RELN: variants seen among roughly 807,000 people sequenced by gnomAD.
The protein encoded by RELN is reelin.
Under a neutral mutation model 427.6 loss-of-function variants are expected in RELN, and 108 were observed. The observed-to-expected ratio is 0.25, with a 90% CI of 0.22 to 0.30. RELN has a LOEUF of 0.30. RELN is among the 10% of genes least tolerant of loss of function. The pLI is 1.00. For synonymous variants in RELN, 1,524 were observed against 1,513.4 expected (o/e 1.01, Z -0.16); for missense variants, 3,715 against 4,302.8 (o/e 0.86, Z 3.82).
intron 51 of RELN, among the ~76,000 whole-genome samples, chr7:103,510,018 G>A (rs1360594821): frequency 1.3e-5 from 2 of 152,140 alleles, no homozygotes; most frequent in African/African-American, 2.4e-5. Context: ...TGGAGAAATA[G>A]GAACGCTTTT....
chr7:103,728,348 G>T, intron 6 of RELN, 141 bp from the exon 7 acceptor site: 2 of 804,280 alleles, frequency 2.5e-6, no homozygotes, highest in Non-Finnish European at 4.2e-6. Flanking sequence ...TTTGCATCAT[G>T]ATAAGGTTAA....
chr7:103,623,923 C>T (rs74648015), intron 20 of RELN, among the ~76,000 whole-genome samples: 16,834 of 152,112 alleles, frequency 0.11, 1,028 homozygotes, highest in South Asian at 0.18. Flanking sequence ...ATAACCTACA[C>T]GTACCTTAAC....
At chr7:103,791,777 G>GT (rs201564276) in intron 3 of RELN, among the ~76,000 whole-genome samples, 1 of 107,412 alleles carries the variant, frequency 9.3e-6, no homozygotes, top group Admixed American at 8.9e-5. Flanking sequence ...CATTTAAAAA[G>GT]TTTTTAAAAA....
chr7:103,559,064 G>A (rs984614496), intron 36 of RELN, among the ~76,000 whole-genome samples: 1 of 152,164 alleles, frequency 6.6e-6, no homozygotes, highest in Non-Finnish European at 1.5e-5. Flanking sequence ...TGCTAAGATA[G>A]ACATTTTACT....
At chr7:103,697,775 C>A in intron 10 of RELN, 78 bp downstream of exon 10, 1 of 1,600,996 alleles carries the variant, frequency 6.2e-7, no homozygotes, top group Admixed American at 1.7e-5. Context: ...TATCTTTATA[C>A]AATTTGGTTT....
chr7:103,854,495 C>A (rs931035020), intron 2 of RELN, among the ~76,000 whole-genome samples: 3 of 151,998 alleles, frequency 2.0e-5, no homozygotes, highest in African/African-American at 7.3e-5. Flanking sequence ...ATAAAGTACA[C>A]AAAATCTTGA....
intron 3 of RELN, among the ~76,000 whole-genome samples, chr7:103,832,207 T>G (rs956562290): frequency 6.6e-6 from 1 of 152,114 alleles, no homozygotes; most frequent in Non-Finnish European, 1.5e-5. Flanking sequence ...TTTTACGGGA[T>G]TTTGTCTGAG....
At chr7:103,773,678 C>A (rs1563005183) in intron 4 of RELN, among the ~76,000 whole-genome samples, 2 of 151,860 alleles carry the variant, frequency 1.3e-5, no homozygotes, top group African/African-American at 4.8e-5. Context: ...CCATGTTGGC[C>A]AGGCTGGTCT....
At chr7:103,702,328 C>T (rs1834111054) in intron 8 of RELN, among the ~76,000 whole-genome samples, 1 of 152,144 alleles carries the variant, frequency 6.6e-6, no homozygotes, top group South Asian at 2.1e-4. Flanking sequence ...TTCAAATTAG[C>T]CTCAAGAATT....
At chr7:103,592,069 AATCTGAATTTT>A (rs1178327425) in intron 27 of RELN, among the ~76,000 whole-genome samples, 1 of 152,094 alleles carries the variant, frequency 6.6e-6, no homozygotes, top group Non-Finnish European at 1.5e-5. Context: ...AATCCATTGT[AATCTGAATTTT>A]GTTATATAGG....
chr7:103,900,132 C>G (rs1250115493), intron 2 of RELN, among the ~76,000 whole-genome samples: 2 of 152,306 alleles, frequency 1.3e-5, no homozygotes, highest in Non-Finnish European at 2.9e-5. Flanking sequence ...GCAAAAATCA[C>G]AAGCATTTCT....
intron 1 of RELN, among the ~76,000 whole-genome samples, chr7:103,965,247 A>C (rs554387696): frequency 6.6e-6 from 1 of 152,332 alleles, no homozygotes; most frequent in African/African-American, 2.4e-5. Flanking sequence ...AGCTCTTGTA[A>C]ATATATTCAT....
chr7:103,712,077 A>G (rs2115852137), intron 8 of RELN, among the ~76,000 whole-genome samples: 1 of 152,296 alleles, frequency 6.6e-6, no homozygotes, highest in African/African-American at 2.4e-5. Context: ...TGCTAACTGG[A>G]ATGTTTCTGT....
At chr7:103,915,300 G>C (rs534294498) in intron 2 of RELN, among the ~76,000 whole-genome samples, 44 of 152,138 alleles carry the variant, frequency 2.9e-4, no homozygotes, top group Non-Finnish European at 5.9e-4. Context: ...CTCAAGACTG[G>C]ATCTAGTTTC....
chr7:103,949,173 A>G (rs900721885), intron 1 of RELN, among the ~76,000 whole-genome samples: 2 of 152,086 alleles, frequency 1.3e-5, no homozygotes, highest in African/African-American at 4.8e-5. Context: ...AATTCTCAAA[A>G]ACTTATGTGT....
chr7:103,665,594 T>C (rs1457565031), intron 11 of RELN, among the ~76,000 whole-genome samples: 6 of 152,190 alleles, frequency 3.9e-5, no homozygotes, highest in African/African-American at 9.6e-5. Flanking sequence ...AAGTTATCTA[T>C]TGAATTGTTG....
intron 27 of RELN, among the ~76,000 whole-genome samples, chr7:103,592,756 C>A (rs1831448534): frequency 6.6e-6 from 1 of 152,100 alleles, no homozygotes; most frequent in African/African-American, 2.4e-5. Context: ...TGAGAAACAG[C>A]ATAGTGTTCT....
chr7:103,646,072 A>T (rs1316912524), intron 16 of RELN, among the ~76,000 whole-genome samples: 2 of 151,832 alleles, frequency 1.3e-5, no homozygotes, highest in Non-Finnish European at 2.9e-5. Context: ...ATTAAAAAAA[A>T]TTTTGAAATG....
chr7:103,912,537 GAACA>G (rs1220272183), intron 2 of RELN, among the ~76,000 whole-genome samples: 3 of 152,008 alleles, frequency 2.0e-5, no homozygotes, highest in Non-Finnish European at 4.4e-5. Flanking sequence ...AATTATTACA[GAACA>G]AAGAAATGAA....
Sources: allele counts gnomAD v4.1 joint callset (sites outside exome capture counted in the v4.1 genomes callset), GRCh38; gene constraint gnomAD v4.1.1; transcripts MANE v1.5; gene names NCBI Gene and HGNC (gene_info 2026-07-23, HGNC 2026-07-21).